The following TCEA1 variants were observed in gnomAD, a reference collection of about 807,000 sequenced individuals.
TCEA1 encodes transcription elongation factor A protein 1.
In TCEA1, 21 loss-of-function variants were observed where a neutral mutation model predicts 43.8. The ratio of observed to expected loss-of-function variants is 0.48; its 90% CI spans 0.34 to 0.69. The LOEUF is 0.69. TCEA1 is among the 30% of genes least tolerant of loss of function. TCEA1 has a pLI of 0.01. For missense variants in TCEA1, 250 were observed against 365.1 expected (o/e 0.68, Z 2.57); for synonymous variants, 104 against 117.5 (o/e 0.88, Z 0.75).
chr8:53,984,474 A>G lies in TCEA1; in HGVS notation c.567T>C (p.Asn189=). The G allele has an allele frequency of 6.3e-7, 1 of 1,598,992 alleles. No individual in the cohort carries two copies. Among genetic ancestry groups the G allele is most frequent in the Non-Finnish European group, 8.5e-7 (1 of 1,173,456 alleles). ...GATTTGATATCCTACTTCGTACTCT[A>G]TTTTTGTATTTCATGTCTGTATTCC... ...EIRNTDMKYK[N]RVRSRISNLK... is the part of the protein sequence containing the mutation. The change falls in exon 7 of 10, where the codon AAT becomes AAC. Residue 189 remains asparagine, a synonymous_variant. Coordinates refer to ENST00000521604, the MANE Select transcript of TCEA1 (RefSeq NM_006756.4).
chr8:53,968,126 A>G lies in TCEA1; in HGVS notation c.898-14T>C. 1 of 1,522,814 alleles carries G rather than the reference A, an allele frequency of 6.6e-7. No homozygotes were observed. Among genetic ancestry groups the G allele is most frequent in the Non-Finnish European group, 8.9e-7 (1 of 1,126,472 alleles). The allele number at this position is 1,522,814 out of a possible 1,614,324, so 94.3% of individuals were successfully genotyped here. On this transcript the variant is annotated splice_polypyrimidine_tract_variant and intron_variant, in intron 9 of 9. Transcript: ENST00000521604. ...AACTCAACAGAACTGTCAAAAAAGA[A>G]AAAATATTTTGTAAGACCTTTAAAT... is the stretch of plus-strand genomic sequence containing the variant.
At chr8:54,017,138 G>C (rs2129314843) in intron 1 of TCEA1, among the ~76,000 whole-genome samples, 1 of 152,202 alleles carries the variant, frequency 6.6e-6, no homozygotes, top group East Asian at 1.9e-4. Flanking sequence ...AAATTGGTGG[G>C]GGCAAATGAG....
At chr8:54,015,272 C>G (rs1052986297) in intron 1 of TCEA1, among the ~76,000 whole-genome samples, 4 of 151,712 alleles carry the variant, frequency 2.6e-5, no homozygotes, top group African/African-American at 9.7e-5. Context: ...TGGGTTCAAG[C>G]GATTATCCTG....
intron 8 of TCEA1, chr8:53,978,399 T>C (rs1042339814): frequency 1.3e-5 from 2 of 152,160 alleles, no homozygotes; most frequent in Non-Finnish European, 1.5e-5. Flanking sequence ...AAATAAACAA[T>C]TCATCAGTTT....
Position 53,988,138 on chromosome 8 carries a change from G to T in TCEA1, c.442C>A (p.Leu148Ile), listed in dbSNP as rs201165811. 9.5e-5 allele frequency: 153 copies of T among 1,611,876 alleles called. No homozygotes were observed. In the African/African-American group the frequency reaches 1.6e-3, roughly 17 times the overall value. Reference sequence around the variant, plus strand: ...CCCCCTGTTCGAAGAGCTGCAGCAAGCATCTCCCTACACTTCAACCGCACA... The same window carrying T: ...CCCCCTGTTCGAAGAGCTGCAGCAATCATCTCCCTACACTTCAACCGCACA... ...DSVRLKCREMLAAALRTGDDY... is the reference protein window; with the variant it reads ...DSVRLKCREMIAAALRTGDDY... Residue 148 changes from leucine to isoleucine, a missense_variant, in exon 5 of 10, where the codon CTT becomes ATT. By Grantham distance (5) the Leu-to-Ile change is conservative (BLOSUM62 2). Around this residue, in one of 4 missense-constraint regions of TCEA1, gnomAD observed 147 missense variants for 160.3 expected, o/e 0.92. Transcript: ENST00000521604.
chr8:53,991,915 A>C (rs1238689294), intron 4 of TCEA1, among the ~76,000 whole-genome samples: 1 of 151,504 alleles, frequency 6.6e-6, no homozygotes, highest in Non-Finnish European at 1.5e-5. Context: ...ACAAAAAAAT[A>C]ACAGTGTATG....
At chr8:54,001,273 T>G (rs1804248968) in intron 2 of TCEA1, among the ~76,000 whole-genome samples, 1 of 152,058 alleles carries the variant, frequency 6.6e-6, no homozygotes, top group Non-Finnish European at 1.5e-5. Context: ...CAAAAGGAAT[T>G]CTTAGTGGTG....
intron 1 of TCEA1, among the ~76,000 whole-genome samples, chr8:54,020,942 C>G (rs1160319955): frequency 6.6e-6 from 1 of 152,138 alleles, no homozygotes; most frequent in Admixed American, 6.5e-5. Context: ...AATCCCAGCA[C>G]TTTGGGAGGC....
rs1426025578 is a variant in TCEA1, at chr8:53,970,861, TAAG to T, written c.826-401_826-399del. 2.6e-5 allele frequency among the ~76,000 whole-genome samples: 4 copies of T among 152,164 alleles called. No individual in the cohort carries two copies. The East Asian group carries it at 7.7e-4, about 29-fold the overall frequency. ...CATATGTCAATATTCTCTTACAAATTAAGAAGATGTAAAAATTGAGAATATCTC... is the reference window on the plus strand; with the variant it reads ...CATATGTCAATATTCTCTTACAAATTAAGATGTAAAAATTGAGAATATCTC... On this transcript the variant is annotated intron_variant, in intron 8 of 9. Transcript: ENST00000521604.
At chr8:54,006,276 T>A (rs1393195748) in intron 2 of TCEA1, among the ~76,000 whole-genome samples, 4 of 152,202 alleles carry the variant, frequency 2.6e-5, no homozygotes, top group Admixed American at 1.3e-4. Flanking sequence ...GGGAAAGGCC[T>A]TATCTTATTC....
chr8:53,988,460 G>A (rs954573757), intron 4 of TCEA1, among the ~76,000 whole-genome samples: 2 of 152,082 alleles, frequency 1.3e-5, no homozygotes, highest in African/African-American at 4.8e-5. Flanking sequence ...AAAGTGACAA[G>A]TATGCCTTTT....
At chr8:53,981,734 G>C (rs1334344988) in intron 7 of TCEA1, among the ~76,000 whole-genome samples, 1 of 151,034 alleles carries the variant, frequency 6.6e-6, no homozygotes, top group Non-Finnish European at 1.5e-5. Flanking sequence ...TGCAGTTCAT[G>C]AATCAAGGAG....
At chr8:53,999,326 T>C (rs1460501595) in intron 3 of TCEA1, among the ~76,000 whole-genome samples, 5 of 151,762 alleles carry the variant, frequency 3.3e-5, no homozygotes, top group African/African-American at 4.8e-5. Flanking sequence ...AAAAACATTA[T>C]TGGGACAACT....
rs138806733 is a variant in TCEA1 at position 54,014,384 on chromosome 8, AG to A, written c.64-3893del. On this transcript the variant is annotated intron_variant, in intron 1 of 9. Transcript: ENST00000521604. ...AGCACTCTGGGAGGCCTAAGGCAGG[AG>A]GATCACTTGAGCCCAGGGGTTCGAG... 4.9e-3 allele frequency among the ~76,000 whole-genome samples: 742 copies of A among 152,312 alleles called. 3 individuals carry two copies. Among genetic ancestry groups the A allele is most frequent in the Non-Finnish European group, 8.1e-3 (551 of 68,022 alleles).
chr8:53,973,522 T>C, intron 8 of TCEA1: 1 of 513,306 alleles, frequency 1.9e-6, no homozygotes, highest in Non-Finnish European at 3.7e-6. Context: ...CTGCAAAAGA[T>C]GGCACATCTC....
chr8:53,976,927 C>T (rs535324190), intron 8 of TCEA1, among the ~76,000 whole-genome samples: 9 of 152,258 alleles, frequency 5.9e-5, no homozygotes, highest in Admixed American at 1.3e-4. Context: ...GGACTTCAGA[C>T]TAGTTAAATT....
chr8:54,015,140 A>C (rs992438439), intron 1 of TCEA1, among the ~76,000 whole-genome samples: 7 of 152,084 alleles, frequency 4.6e-5, no homozygotes, highest in African/African-American at 1.7e-4. Flanking sequence ...AGGCATTATT[A>C]TAAGATTTCA....
intron 8 of TCEA1, among the ~76,000 whole-genome samples, chr8:53,974,796 T>C (rs1406989545): frequency 1.3e-5 from 2 of 152,176 alleles, no homozygotes; most frequent in South Asian, 2.1e-4. Flanking sequence ...TCCCAAAGTG[T>C]TGGGATTCCA....
At chr8:54,007,159 C>T (rs1418740956) in intron 2 of TCEA1, among the ~76,000 whole-genome samples, 3 of 152,022 alleles carry the variant, frequency 2.0e-5, no homozygotes, top group Non-Finnish European at 4.4e-5. Context: ...GAGTTCTTAA[C>T]CCTTTTTTTG....
Sources: gnomAD v4.1 joint callset for allele counts (sites outside exome capture counted in the v4.1 genomes callset) on GRCh38, gnomAD v4.1.1 for gene constraint, gnomAD v4.1.1 regional missense constraint, MANE v1.5 for transcripts, NCBI Gene and HGNC (gene_info 2026-07-23, HGNC 2026-07-21) for gene names.